The following TGFBR1 variants were observed in gnomAD, a reference collection of about 807,000 sequenced individuals.
The protein encoded by TGFBR1 is transforming growth factor beta receptor 1.
In TGFBR1, 20 loss-of-function variants were observed where a neutral mutation model predicts 55.1. The ratio of observed to expected loss-of-function variants is 0.36; its 90% CI spans 0.26 to 0.53. The LOEUF is 0.53. Among genes scored for constraint, TGFBR1 ranks in the 20% least tolerant of loss-of-function variants. The pLI, the probability that TGFBR1 is intolerant of heterozygous loss-of-function variation, is 0.91. For synonymous variants in TGFBR1, 220 were observed against 214.8 expected, an observed-to-expected ratio of 1.02 and a Z score of -0.21; for missense variants, 385 against 617.6, an observed-to-expected ratio of 0.62 and a Z score of 3.99.
intron 5 of TGFBR1, among the ~76,000 whole-genome samples, chr9:99,143,321 A>C (rs955461680): frequency 6.6e-6 from 1 of 152,236 alleles, no homozygotes; most frequent in Non-Finnish European, 1.5e-5. Flanking sequence ...GTGTAGTATC[A>C]AATGAAATGT....
In TGFBR1 at chr9:99,153,076, CT is replaced by C; in HGVS notation, c.*3776del. 1 of 227,974 alleles carries C rather than the reference CT, an allele frequency of 4.4e-6. No individual in the cohort carries two copies. Among genetic ancestry groups the C allele is most frequent in the Non-Finnish European group, 8.7e-6 (1 of 114,516 alleles). 14.1% of individuals were successfully genotyped at this position (227,974 alleles called of 1,614,324 possible). ...TATCATGAACCATGTTTTGATACCC[CT>C]TTTTCACGTTGTGCCAACGGAATAG... On this transcript the variant is annotated 3_prime_UTR_variant, in exon 9 of 9. Transcript: ENST00000374994.
At position 99,105,244 on chromosome 9, in the gene TGFBR1, C is replaced by T; in HGVS notation, c.39C>T (p.Leu13=). 2 of 1,066,264 alleles carry T rather than the reference C, an allele frequency of 1.9e-6. No individual in the cohort carries two copies. Among genetic ancestry groups the T allele is most frequent in the Non-Finnish European group, 2.3e-6 (2 of 886,356 alleles). 66.1% of individuals were successfully genotyped at this position (1,066,264 alleles called of 1,614,324 possible). Residue 13 remains leucine, a synonymous_variant, in exon 1 of 9, where the codon CTC becomes CTT. Coordinates refer to ENST00000374994, the MANE Select transcript of TGFBR1 (RefSeq NM_004612.4). Reference sequence around the variant, plus strand: ...TCGCTGCTCCGCGTCCCCGGCTGCTCCTCCTCGTGCTGGCGGCGGCGGCGG... The same window carrying T: ...TCGCTGCTCCGCGTCCCCGGCTGCTTCTCCTCGTGCTGGCGGCGGCGGCGG... ...AAVAAPRPRL[L]LLVLAAAAAA...
chr9:99,121,344 G>A (rs1826892876), intron 1 of TGFBR1, among the ~76,000 whole-genome samples: 1 of 152,174 alleles, frequency 6.6e-6, no homozygotes, highest in African/African-American at 2.4e-5. Context: ...GTAGGCTGGA[G>A]GGAATTGGAG....
chr9:99,118,164 G>A (rs763207945), intron 1 of TGFBR1, among the ~76,000 whole-genome samples: 2 of 151,690 alleles, frequency 1.3e-5, no homozygotes, highest in African/African-American at 2.4e-5. Context: ...ATTTTTTTTG[G>A]TATAGTGAGT....
intron 1 of TGFBR1, among the ~76,000 whole-genome samples, chr9:99,114,383 GC>G (rs1212878096): frequency 2.0e-5 from 3 of 152,188 alleles, no homozygotes; most frequent in Non-Finnish European, 4.4e-5. Flanking sequence ...AGATCTCATT[GC>G]CTATCGAGAA....
chr9:99,134,114 A>G (rs898492787), intron 3 of TGFBR1, among the ~76,000 whole-genome samples: 1 of 152,208 alleles, frequency 6.6e-6, no homozygotes, highest in African/African-American at 2.4e-5. Flanking sequence ...AATCACATCT[A>G]ATGTTGCAGA....
At chr9:99,146,659 C>G (rs201332006) in intron 7 of TGFBR1, 50 bp downstream of exon 7, 42 of 1,611,866 alleles carry the variant, frequency 2.6e-5, no homozygotes, top group South Asian at 1.1e-4. Flanking sequence ...AGAAGTTGTT[C>G]AAGAATTGTC....
chr9:99,142,277 G>C (rs1397888484), intron 4 of TGFBR1, among the ~76,000 whole-genome samples: 1 of 152,128 alleles, frequency 6.6e-6, no homozygotes, highest in Non-Finnish European at 1.5e-5. Flanking sequence ...ACTCAAAAAA[G>C]TCACCATCTT....
chr9:99,140,831 A>G (rs1182906537), intron 4 of TGFBR1, among the ~76,000 whole-genome samples: 1 of 152,192 alleles, frequency 6.6e-6, no homozygotes, highest in Non-Finnish European at 1.5e-5. Flanking sequence ...GTCACATTCC[A>G]AGTTACAAAC....
chr9:99,118,011 TG>T (rs1224425480), intron 1 of TGFBR1, among the ~76,000 whole-genome samples: 3 of 152,342 alleles, frequency 2.0e-5, no homozygotes, highest in African/African-American at 7.2e-5. Context: ...TTATCTCCTT[TG>T]TAATTTCTAT....
intron 1 of TGFBR1, among the ~76,000 whole-genome samples, chr9:99,118,889 C>CT (rs1339924171): frequency 2.6e-5 from 4 of 152,124 alleles, no homozygotes; most frequent in African/African-American, 9.7e-5. Flanking sequence ...TCTTCACTAG[C>CT]TTTCCTTAAG....
intron 1 of TGFBR1, among the ~76,000 whole-genome samples, chr9:99,119,292 G>C (rs1826835612): frequency 6.6e-6 from 1 of 152,064 alleles, no homozygotes; most frequent in African/African-American, 2.4e-5. Context: ...CTCTACCACA[G>C]TTCTGTTTTG....
At chr9:99,126,772 T>C (rs1486840649) in intron 1 of TGFBR1, among the ~76,000 whole-genome samples, 1 of 152,228 alleles carries the variant, frequency 6.6e-6, no homozygotes, top group Non-Finnish European at 1.5e-5. Context: ...TCATGAATAA[T>C]TACTGTCTCT....
chr9:99,146,996 T>C (rs1827815915), intron 7 of TGFBR1, among the ~76,000 whole-genome samples: 1 of 152,244 alleles, frequency 6.6e-6, no homozygotes, highest in Non-Finnish European at 1.5e-5. Flanking sequence ...TCCAACTTGA[T>C]AGTTACAGTT....
chr9:99,120,746 G>C (rs7043624), intron 1 of TGFBR1, among the ~76,000 whole-genome samples: 38,909 of 152,092 alleles, frequency 0.26, 5,251 homozygotes, highest in East Asian at 0.47. Flanking sequence ...TCAGACAACT[G>C]TAAGTAGTAG....
chr9:99,134,841 TA>T (rs1827381772), intron 3 of TGFBR1, among the ~76,000 whole-genome samples: 1 of 122,358 alleles, frequency 8.2e-6, no homozygotes, highest in Non-Finnish European at 1.8e-5. Flanking sequence ...TATATATATA[TA>T]TATATATATA....
upstream of TGFBR1, chr9:99,105,011 T>A: frequency 2.9e-6 from 1 of 339,922 alleles, no homozygotes; most frequent in Non-Finnish European, 4.4e-6. Context: ...TGGGTCCCGC[T>A]TGGCAGCTCG....
intron 8 of TGFBR1, 55 bp downstream of exon 8, chr9:99,147,839 G>T: frequency 6.2e-7 from 1 of 1,602,516 alleles, no homozygotes; most frequent in South Asian, 1.1e-5. Context: ...TGCTTAGTAA[G>T]CAAAAGTTTG....
intron 1 of TGFBR1, among the ~76,000 whole-genome samples, chr9:99,108,414 A>G (rs756380598): frequency 6.6e-6 from 1 of 152,232 alleles, no homozygotes; most frequent in Non-Finnish European, 1.5e-5. Flanking sequence ...CCACTGGGCC[A>G]TGTGTGTTTT....
Sources: allele counts gnomAD v4.1 joint callset (sites outside exome capture counted in the v4.1 genomes callset), GRCh38; gene constraint gnomAD v4.1.1; transcripts MANE v1.5; gene names NCBI Gene and HGNC (gene_info 2026-07-23, HGNC 2026-07-21).